Variants in WNK2 observed in about 807,000 individuals in gnomAD.
The protein encoded by WNK2 is serine/threonine-protein kinase WNK2.
Under a neutral mutation model 192.1 loss-of-function variants are expected in WNK2, and 67 were observed. That is an observed-to-expected ratio of 0.35 (90% CI 0.29 to 0.43). The LOEUF (loss-of-function observed/expected upper bound fraction) is 0.43. WNK2 is among the 20% of genes least tolerant of loss of function. WNK2 has a pLI of 1.00. For synonymous variants in WNK2, 1,439 were observed against 1,393.9 expected (o/e 1.03, Z -0.72); for missense variants, 2,698 against 3,089.7 (o/e 0.87, Z 3.01).
At chr9:93,237,637 G>A (rs1840050864) in intron 5 of WNK2, among the ~76,000 whole-genome samples, 1 of 152,118 alleles carries the variant, frequency 6.6e-6, no homozygotes, top group Non-Finnish European at 1.5e-5. Context: ...TTTCTGCAAG[G>A]TCGTGGGTCA....
chr9:93,263,367 C>T (rs1463360709), intron 14 of WNK2, 199 bp from the exon 15 acceptor site: 10 of 639,774 alleles, frequency 1.6e-5, no homozygotes, highest in African/African-American at 5.5e-5. Context: ...TCCTTCTGCC[C>T]GTGCCACTTG....
chr9:93,320,323 C>T, intron 29 of WNK2, 44 bp from the exon 30 acceptor site: 1 of 1,367,072 alleles, frequency 7.3e-7, no homozygotes, highest in Non-Finnish European at 9.8e-7. Context: ...GAGTGGCCAG[C>T]ACTGCGGTGG....
In WNK2 at chr9:93,320,480, C is replaced by G; in HGVS notation, c.*88C>G. 3.8e-6 allele frequency: 5 copies of G among 1,310,210 alleles called. No individual in the cohort carries two copies. In the South Asian group the frequency reaches 5.8e-5, roughly 15 times the overall value. 81.2% of individuals were successfully genotyped at this position (1,310,210 alleles called of 1,614,324 possible). On this transcript the variant is annotated 3_prime_UTR_variant, in exon 30 of 30. Transcript: ENST00000427277. Reference sequence around the variant, plus strand: ...CCAGCTGCTCCTCCTGTCCAGTTCACGCTGTTTTGTAACCACTTTCTAAGC... The same window carrying G: ...CCAGCTGCTCCTCCTGTCCAGTTCAGGCTGTTTTGTAACCACTTTCTAAGC...
intron 2 of WNK2, among the ~76,000 whole-genome samples, chr9:93,195,489 A>G (rs1831074022): frequency 6.6e-6 from 1 of 152,160 alleles, no homozygotes; most frequent in Non-Finnish European, 1.5e-5. Context: ...ACTTGAGGTC[A>G]GGAGTTTGAG....
At chr9:93,258,887 C>T (rs1369850400) in intron 11 of WNK2, 44 bp from the exon 12 acceptor site, 2 of 1,555,762 alleles carry the variant, frequency 1.3e-6, no homozygotes, top group South Asian at 1.2e-5. Context: ...TGGGCAGGGA[C>T]CCTGGTTGGG....
intron 7 of WNK2, among the ~76,000 whole-genome samples, chr9:93,246,369 T>G (rs1343585993): frequency 1.3e-5 from 2 of 152,162 alleles, no homozygotes; most frequent in Non-Finnish European, 2.9e-5. Context: ...GCTGTGGGTG[T>G]TGTTGCTCCC....
chr9:93,298,392 G>A (rs963580035), intron 24 of WNK2, among the ~76,000 whole-genome samples: 2 of 152,238 alleles, frequency 1.3e-5, no homozygotes, highest in African/African-American at 4.8e-5. Context: ...CTGCGTGGAC[G>A]GATGGTGGCT....
At chr9:93,244,892 T>C (rs1443164071) in intron 7 of WNK2, among the ~76,000 whole-genome samples, 1 of 152,124 alleles carries the variant, frequency 6.6e-6, no homozygotes, top group Non-Finnish European at 1.5e-5. Flanking sequence ...GCCTGGTTTC[T>C]CCTCCTTCCC....
Position 93,292,805 on chromosome 9 carries a change from C to T in WNK2, c.5340C>T (p.Ser1780=), listed in dbSNP as rs1364107783. Residue 1780 remains serine, a synonymous_variant, in exon 23 of 30, where the codon TCC becomes TCT. Coordinates refer to ENST00000427277, the MANE Select transcript of WNK2 (RefSeq NM_006648.4). ...PPDVYLDEAP[S]SPDVKLAVRR... The stretch of plus-strand genomic sequence containing the variant: ...ACGTCTACCTGGACGAGGCCCCCTC[C>T]AGCCCCGACGTGAAGCTGGCAGTGC... 2 of 1,541,604 alleles carry T rather than the reference C, an allele frequency of 1.3e-6. No homozygotes were observed. The highest frequency in any genetic ancestry group is 8.7e-7 in the Non-Finnish European group (1 of 1,143,620).
intron 7 of WNK2, among the ~76,000 whole-genome samples, chr9:93,242,596 G>A (rs1588132606): frequency 6.6e-6 from 1 of 152,268 alleles, no homozygotes; most frequent in African/African-American, 2.4e-5. Context: ...TGCTGCATAG[G>A]CTATGTACAG....
intron 2 of WNK2, among the ~76,000 whole-genome samples, chr9:93,203,823 G>A (rs1012735985): frequency 6.6e-6 from 1 of 152,160 alleles, no homozygotes; most frequent in Non-Finnish European, 1.5e-5. Context: ...CCTGTGTGTG[G>A]TGATTGAAGC....
At chr9:93,297,491 T>C (rs1453281408) in intron 23 of WNK2, among the ~76,000 whole-genome samples, 1 of 152,254 alleles carries the variant, frequency 6.6e-6, no homozygotes, top group Non-Finnish European at 1.5e-5. Flanking sequence ...AGGCAGTCTC[T>C]AGTGCCTGGC....
intron 8 of WNK2, among the ~76,000 whole-genome samples, chr9:93,250,876 C>G (rs1459462569): frequency 2.0e-5 from 3 of 150,838 alleles, no homozygotes; most frequent in Admixed American, 2.0e-4. Flanking sequence ...CCTCTGCCTC[C>G]CAGGTTCAAG....
At position 93,222,096 on chromosome 9, in the gene WNK2, C is replaced by T. The variant is rs200104695; in HGVS notation, c.682-7600C>T. Among the ~76,000 whole-genome samples, 38 of 139,992 alleles carry T rather than the reference C, an allele frequency of 2.7e-4. No individual in the cohort carries two copies. The East Asian group carries it at 5.7e-3, about 21-fold the overall frequency. 91.8% of individuals were successfully genotyped at this position (139,992 alleles called of 152,430 possible). A position where few individuals can be genotyped will look rare whatever the true frequency, so the allele number is the denominator to read the frequency against. On this transcript the variant is annotated intron_variant, in intron 2 of 29. Transcript: ENST00000427277. The stretch of plus-strand genomic sequence containing the variant: ...CAGGGTGAGTACCGGTGTGTATGTG[C>T]GGGCGGCAGGGTCCCAGGTGGCCTT...
chr9:93,226,397 T>C (rs1441561821), intron 2 of WNK2, among the ~76,000 whole-genome samples: 4 of 152,240 alleles, frequency 2.6e-5, no homozygotes, highest in African/African-American at 9.6e-5. Context: ...TCTCTTAATG[T>C]TTCTCTTCTA....
At position 93,308,828 on chromosome 9, in the gene WNK2, CTG is replaced by C. The variant is rs1262352506; in HGVS notation, c.6516+247_6516+248del. On this transcript the variant is annotated intron_variant, in intron 28 of 29. Transcript: ENST00000427277. ...CAGGCCAGGCCAGGCCAGGCCAGGGCTGTGACTCCACAGCTCAGATACAGCAG... is the reference window on the plus strand; with the variant it reads ...CAGGCCAGGCCAGGCCAGGCCAGGGCTGACTCCACAGCTCAGATACAGCAG... 17 of 1,400,310 alleles carry C rather than the reference CTG, an allele frequency of 1.2e-5. No individual in the cohort carries two copies. In the East Asian group the frequency reaches 4.0e-4, roughly 33 times the overall value. The allele number at this position is 1,400,310 out of a possible 1,614,324, so 86.7% of individuals were successfully genotyped here. A position where few individuals can be genotyped will look rare whatever the true frequency, so the allele number is the denominator to read the frequency against.
At chr9:93,248,685 A>G (rs1019321873) in intron 8 of WNK2, among the ~76,000 whole-genome samples, 8 of 152,240 alleles carry the variant, frequency 5.3e-5, no homozygotes, top group African/African-American at 1.4e-4. Context: ...ATGAATTGGC[A>G]GGAATCACTT....
At position 93,292,757 on chromosome 9, in the gene WNK2, C is replaced by A; in HGVS notation, c.5292C>A (p.Ser1764Arg). 4 of 1,563,426 alleles carry A rather than the reference C, an allele frequency of 2.6e-6. No individual in the cohort carries two copies. The highest frequency in any genetic ancestry group is 3.5e-6 in the Non-Finnish European group (4 of 1,155,152). ...AGTGGACCCTGGCCTCCCCCCACAG[C>A]CTGAGATACTCTGCCCCACCCGACG... ...QDEWTLASPH[S>R]LRYSAPPDVY... The change falls in exon 23 of 30, where the codon AGC (serine) becomes AGA (arginine). Residue 1764 changes from serine (S) to arginine (R), a missense_variant. By Grantham distance (110) the Ser-to-Arg change is moderately radical. This residue lies in a region of WNK2 where 1,098 missense variants were observed against 1,101.0 expected (regional missense o/e 1.00). Coordinates refer to ENST00000427277, the MANE Select transcript of WNK2 (RefSeq NM_006648.4).
intron 2 of WNK2, among the ~76,000 whole-genome samples, chr9:93,216,621 G>A (rs1835783933): frequency 6.6e-6 from 1 of 152,026 alleles, no homozygotes; most frequent in Non-Finnish European, 1.5e-5. Flanking sequence ...GTGAGATCCT[G>A]TATCAAAAAA....
Sources: allele counts gnomAD v4.1 joint callset (sites outside exome capture counted in the v4.1 genomes callset), GRCh38; gene constraint gnomAD v4.1.1; regional missense constraint gnomAD v4.1.1; transcripts MANE v1.5; gene names NCBI Gene and HGNC (gene_info 2026-07-23, HGNC 2026-07-21).